The following SHOX variants were observed in gnomAD, a reference collection of about 807,000 sequenced individuals.
SHOX encodes the protein SHOX homeobox.
Under a neutral mutation model 29.6 loss-of-function variants are expected in SHOX, and 12 were observed. That is an observed-to-expected ratio of 0.41 (90% confidence interval 0.26 to 0.66). The LOEUF is 0.66. SHOX is among the 30% of genes least tolerant of loss of function. SHOX has a pLI of 0.35. For missense variants in SHOX, 499 were observed against 437.7 expected, an observed-to-expected ratio of 1.14 and a Z score of -1.25; for synonymous variants, 214 against 200.6, an observed-to-expected ratio of 1.07 and a Z score of -0.57.
chrX:644,695 C>T lies in SHOX; in HGVS notation c.*59C>T. The T allele has an allele frequency of 7.3e-7, 1 of 1,372,512 alleles. No individual in the cohort carries two copies. Among genetic ancestry groups the T allele is most frequent in the Non-Finnish European group, 9.3e-7 (1 of 1,073,874 alleles). The allele number at this position is 1,372,512 out of a possible 1,614,324, so 85.0% of individuals were successfully genotyped here. ...CGGGCTCCGCGCACCCCGCCTGCAC[C>T]GCGCGTCCTGCACTCAACCCCGCCT... is the stretch of plus-strand genomic sequence containing the variant. On this transcript the variant is annotated 3_prime_UTR_variant, in exon 5 of 5. Coordinates refer to ENST00000686671, the MANE Select transcript of SHOX (RefSeq NM_000451.4).
Position 640,989 on chromosome X carries a change from T to G in SHOX, c.545-10T>G. 1 of 1,613,726 alleles carries G rather than the reference T, an allele frequency of 6.2e-7. No homozygotes were observed. Among genetic ancestry groups the G allele is most frequent in the Non-Finnish European group, 8.5e-7 (1 of 1,179,792 alleles). ...ACCACCACACTGACACCTGCTCCCT[T>G]TGGACACAGGCGTCATCTTGGGCAC... On this transcript the variant is annotated splice_polypyrimidine_tract_variant and intron_variant, in intron 3 of 4. Coordinates refer to ENST00000686671, the MANE Select transcript of SHOX (RefSeq NM_000451.4).
intron 1 of SHOX, among the ~76,000 whole-genome samples, chrX:631,392 C>A (rs1463528888): frequency 6.6e-6 from 1 of 152,258 alleles, no homozygotes; most frequent in African/African-American, 2.4e-5. Context: ...CGGGGGGACC[C>A]AGGGAGGGTC....
upstream of SHOX, among the ~76,000 whole-genome samples, chrX:630,125 C>A (rs2052620149): frequency 6.6e-6 from 1 of 152,068 alleles, no homozygotes; most frequent in South Asian, 2.1e-4. Flanking sequence ...CGGGGATCCT[C>A]GGCCTCCGCC....
chrX:632,284 TCGTCC>T, intron 1 of SHOX, among the ~76,000 whole-genome samples: 1 of 151,782 alleles, frequency 6.6e-6, no homozygotes, highest in South Asian at 2.1e-4. Flanking sequence ...CAGTGGTGGG[TCGTCC>T]CGTGGTGGAA....
Position 624,918 on chromosome X carries a change from CT to C in SHOX, c.-433+319del, listed in dbSNP as rs758027825. Among the ~76,000 whole-genome samples, 124 of 102,232 alleles carry C rather than the reference CT, an allele frequency of 1.2e-3. 3 individuals carry two copies. The highest frequency in any genetic ancestry group is 4.7e-3 in the African/African-American group (114 of 24,106). 67.1% of individuals were successfully genotyped at this position (102,232 alleles called of 152,430 possible). A position where few individuals can be genotyped will look rare whatever the true frequency, so the allele number is the denominator to read the frequency against. ...TCTTTCTTTCTCTCTTCCTTTCTTT[CT>C]TTCTTTCTTTCTTTTCTTTCTTTCA... On this transcript the variant is annotated intron_variant, in intron 1 of 5. Transcript: ENST00000334060.
intron 2 of SHOX, among the ~76,000 whole-genome samples, chrX:639,775 GT>G (rs1246660417): frequency 6.6e-6 from 1 of 152,188 alleles, no homozygotes; most frequent in Non-Finnish European, 1.5e-5. Flanking sequence ...GCCCAGGAGG[GT>G]GGATCGCTTG....
downstream of SHOX, among the ~76,000 whole-genome samples, chrX:656,354 G>A (rs1195052681): frequency 4.0e-5 from 6 of 151,722 alleles, no homozygotes; most frequent in Non-Finnish European, 5.9e-5. Flanking sequence ...AGGCAGAATC[G>A]TTTGAGCCCA....
chrX:655,252 T>C (rs373132620), downstream of SHOX, among the ~76,000 whole-genome samples: 25 of 151,464 alleles, frequency 1.7e-4, no homozygotes, highest in East Asian at 3.6e-3. Context: ...GGATTACAGG[T>C]GCCCGCCACC....
chrX:643,675 G>GGTT (rs2052907647), intron 4 of SHOX, among the ~76,000 whole-genome samples: 1 of 123,472 alleles, frequency 8.1e-6, no homozygotes. Flanking sequence ...TCTCGGGAGA[G>GGTT]AGCCTTGGGG....
rs1308591436 is a variant in SHOX at position 648,460 on chromosome X, C to T, written c.*3824C>T. ...CCGGCTGGTCTCAAACTCCTGACCT[C>T]AGGTTGACCTGCCCGCTTTGTCCCT... On this transcript the variant is annotated 3_prime_UTR_variant, in exon 5 of 5. Coordinates refer to ENST00000686671, the MANE Select transcript of SHOX (RefSeq NM_000451.4). Among the ~76,000 whole-genome samples the T allele has an allele frequency of 5.9e-5, 9 of 152,206 alleles. No individual in the cohort carries two copies. Among genetic ancestry groups the T allele is most frequent in the South Asian group, 2.1e-4 (1 of 4,836 alleles).
rs1477655498 is a variant in SHOX, at chrX:647,136, G to A, written c.*2500G>A. 3.3e-5 allele frequency among the ~76,000 whole-genome samples: 5 copies of A among 152,236 alleles called. No homozygotes were observed. The highest frequency in any genetic ancestry group is 5.9e-5 in the Non-Finnish European group (4 of 68,048). ...TTGTCCCCCAGGCTGGAGTGCAGTG[G>A]CACAATCTCGGCTCACCGCAACCTC... On this transcript the variant is annotated 3_prime_UTR_variant, in exon 5 of 5. Transcript: ENST00000686671.
rs2052939674 is a variant in SHOX, at chrX:644,985, G to C, written c.*349G>C. On this transcript the variant is annotated 3_prime_UTR_variant, in exon 5 of 5. Coordinates refer to ENST00000686671, the MANE Select transcript of SHOX (RefSeq NM_000451.4). ...CCTATGCATGCGGTTAACTACACAC[G>C]TTTGGAAGATCCTTAGAGTCTATTG... 6.8e-6 allele frequency: 2 copies of C among 292,874 alleles called. No homozygotes were observed. 18.1% of individuals were successfully genotyped at this position (292,874 alleles called of 1,614,324 possible).
intron 2 of SHOX, among the ~76,000 whole-genome samples, chrX:639,414 C>T (rs1385842417): frequency 1.1e-4 from 17 of 147,862 alleles, no homozygotes; most frequent in Admixed American, 3.3e-4. Flanking sequence ...CCGAGGAGGC[C>T]GAGAAGGGCA....
chrX:631,168 G>A lies in SHOX; in HGVS notation c.271G>A (p.Ala91Thr), dbSNP rs2124154917. ...GAAAGAATTCGGCACCGCGAGAGTG[G>A]CAGAAGGTAAGTTCCTTTGCGCTCC... is the stretch of plus-strand genomic sequence containing the variant. ...KLKEFGTARV[A>T]EGIYECKEKR... is the part of the protein sequence containing the mutation. Residue 91 changes from alanine to threonine, a missense_variant, in exon 1 of 5, where the codon GCA becomes ACA. Transcript: ENST00000686671. The A allele has an allele frequency of 3.7e-6, 6 of 1,612,700 alleles. No individual in the cohort carries two copies. The highest frequency in any genetic ancestry group is 4.2e-6 in the Non-Finnish European group (5 of 1,179,702).
intron 1 of SHOX, among the ~76,000 whole-genome samples, chrX:625,578 C>G (rs1358253827): frequency 6.6e-6 from 1 of 151,272 alleles, no homozygotes; most frequent in Non-Finnish European, 1.5e-5. Flanking sequence ...CTCTGTCCAT[C>G]TCTGTCTCTC....
intron 4 of SHOX, among the ~76,000 whole-genome samples, chrX:643,106 C>G (rs2052889386): frequency 6.7e-6 from 1 of 148,238 alleles, no homozygotes; most frequent in Non-Finnish European, 1.5e-5. Context: ...CTGGGAGAGG[C>G]TTGGGGACCT....
At chrX:635,857 G>GGAGA (rs369333132) in intron 2 of SHOX, among the ~76,000 whole-genome samples, 3,389 of 146,230 alleles carry the variant, frequency 0.023, 40 homozygotes, top group Non-Finnish European at 0.025. Flanking sequence ...GTGGGGGGAG[G>GGAGA]GAGAGAGAGA....
chrX:654,339 T>C (rs1035187282), downstream of SHOX, among the ~76,000 whole-genome samples: 1 of 151,626 alleles, frequency 6.6e-6, no homozygotes, highest in African/African-American at 2.4e-5. Context: ...AAACTTAAAG[T>C]ATAATAATAA....
At chrX:642,860 G>A (rs1332713022) in intron 4 of SHOX, among the ~76,000 whole-genome samples, 3 of 151,592 alleles carry the variant, frequency 2.0e-5, no homozygotes, top group Admixed American at 6.6e-5. Flanking sequence ...TCCTGGGAGA[G>A]GCTTGGAGAT....
Sources: gnomAD v4.1 joint callset for allele counts (sites outside exome capture counted in the v4.1 genomes callset) on GRCh38, gnomAD v4.1.1 for gene constraint, MANE v1.5 for transcripts, NCBI Gene and HGNC (gene_info 2026-07-23, HGNC 2026-07-21) for gene names.